Variants in PTPRD observed in about 807,000 individuals in gnomAD.
The protein encoded by PTPRD is protein tyrosine phosphatase receptor type D, also known as receptor-type tyrosine-protein phosphatase delta.
Under a neutral mutation model 214.5 loss-of-function variants are expected in PTPRD, and 34 were observed. That is an observed-to-expected ratio of 0.16 (90% CI 0.12 to 0.21). The LOEUF (loss-of-function observed/expected upper bound fraction) is 0.21. Among genes scored for constraint, PTPRD ranks in the 10% least tolerant of loss-of-function variants. The pLI is 1.00. For synonymous variants in PTPRD, 1,128 were observed against 845.7 expected, an observed-to-expected ratio of 1.33 and a Z score of -5.79; for missense variants, 2,545 against 2,398.7, an observed-to-expected ratio of 1.06 and a Z score of -1.27.
At chr9:8,681,018 A>G (rs1026379385) in intron 12 of PTPRD, among the ~76,000 whole-genome samples, 3 of 152,210 alleles carry the variant, frequency 2.0e-5, no homozygotes, top group East Asian at 1.9e-4. Context: ...AATTTGAAAC[A>G]GTCACTTTTT....
At chr9:8,786,849 T>G (rs1235104717) in intron 11 of PTPRD, among the ~76,000 whole-genome samples, 1 of 152,066 alleles carries the variant, frequency 6.6e-6, no homozygotes, top group African/African-American at 2.4e-5. Flanking sequence ...AAGGAAATGT[T>G]TATTTCAATT....
chr9:9,609,807 A>G (rs1194327713), intron 7 of PTPRD, among the ~76,000 whole-genome samples: 4 of 152,202 alleles, frequency 2.6e-5, no homozygotes, highest in Non-Finnish European at 4.4e-5. Flanking sequence ...TGGGAAAACC[A>G]AATCCTGTTA....
chr9:9,696,740 GTTTC>G (rs1280769526), intron 7 of PTPRD, among the ~76,000 whole-genome samples: 1 of 151,956 alleles, frequency 6.6e-6, no homozygotes, highest in African/African-American at 2.4e-5. Context: ...GTTGTGCCTT[GTTTC>G]TTTATTCGTT....
intron 7 of PTPRD, among the ~76,000 whole-genome samples, chr9:9,600,623 C>G (rs2093676609): frequency 1.3e-5 from 2 of 152,070 alleles, no homozygotes. Flanking sequence ...GAGGCCCTCC[C>G]CTACATGGAG....
chr9:9,714,585 T>A (rs1369863378), intron 7 of PTPRD, among the ~76,000 whole-genome samples: 2 of 152,228 alleles, frequency 1.3e-5, no homozygotes, highest in Admixed American at 6.5e-5. Context: ...TAACCCTGTA[T>A]TTCTTTAGCA....
chr9:9,239,041 TA>T (rs2099968890), intron 9 of PTPRD, among the ~76,000 whole-genome samples: 1 of 152,086 alleles, frequency 6.6e-6, no homozygotes, highest in South Asian at 2.1e-4. Context: ...AATAGGCAAA[TA>T]TGCCTCAAAC....
chr9:9,532,889 C>T (rs2075782727), intron 8 of PTPRD, among the ~76,000 whole-genome samples: 1 of 152,096 alleles, frequency 6.6e-6, no homozygotes, highest in Non-Finnish European at 1.5e-5. Context: ...CTACTGAAAC[C>T]TCTCTTAAAA....
At chr9:9,344,823 C>A (rs1212639057) in intron 9 of PTPRD, among the ~76,000 whole-genome samples, 1 of 151,726 alleles carries the variant, frequency 6.6e-6, no homozygotes, top group Non-Finnish European at 1.5e-5. Context: ...CTACTTGAAA[C>A]ATGGTAGTTA....
intron 10 of PTPRD, among the ~76,000 whole-genome samples, chr9:9,118,768 T>C (rs1395333472): frequency 6.6e-6 from 1 of 152,204 alleles, no homozygotes; most frequent in African/African-American, 2.4e-5. Flanking sequence ...CCCTTTTTAT[T>C]TTTATAATTT....
intron 2 of PTPRD, among the ~76,000 whole-genome samples, chr9:10,590,878 A>T (rs976009008): frequency 6.6e-6 from 1 of 151,064 alleles, no homozygotes; most frequent in African/African-American, 2.4e-5. Context: ...AAAACTGAAT[A>T]CCTTGTATAA....
chr9:8,766,375 C>T (rs1364749767), intron 11 of PTPRD, among the ~76,000 whole-genome samples: 1 of 151,828 alleles, frequency 6.6e-6, no homozygotes, highest in Admixed American at 6.6e-5. Flanking sequence ...GTGAGTGTAC[C>T]CTGAGATGGG....
In PTPRD at chr9:9,203,735, G is replaced by C. The variant is rs376878742; in HGVS notation, c.-202-20372C>G. 9.9e-5 allele frequency among the ~76,000 whole-genome samples: 15 copies of C among 152,238 alleles called. No homozygotes were observed. In the East Asian group the frequency reaches 1.7e-3, roughly 18 times the overall value. On this transcript the variant is annotated intron_variant, in intron 9 of 45. Transcript: ENST00000381196. ...ATTTTCTTCTTTATGTGTTTTTGCA[G>C]TTTCTGATGTAGCAAGCGGGTATTT... is the stretch of plus-strand genomic sequence containing the variant.
At chr9:9,948,649 A>G (rs1184745046) in intron 4 of PTPRD, among the ~76,000 whole-genome samples, 4 of 152,106 alleles carry the variant, frequency 2.6e-5, no homozygotes, top group Non-Finnish European at 5.9e-5. Flanking sequence ...AAGGGTAAGT[A>G]TGCAATACTT....
intron 39 of PTPRD, among the ~76,000 whole-genome samples, chr9:8,353,864 A>ATGTATATATGTATATG (rs2076228214): frequency 1.9e-5 from 2 of 102,936 alleles, no homozygotes; most frequent in African/African-American, 1.0e-4. Context: ...ATGTGTATAT[A>ATGTATATATGTATATG]TGTATATATG....
intron 7 of PTPRD, among the ~76,000 whole-genome samples, chr9:9,602,349 A>T (rs2093835929): frequency 6.6e-6 from 1 of 152,018 alleles, no homozygotes; most frequent in African/African-American, 2.4e-5. Flanking sequence ...ACAACTACAG[A>T]TCCCTCTAAT....
chr9:8,594,642 A>G (rs967104052), intron 14 of PTPRD, among the ~76,000 whole-genome samples: 1 of 151,682 alleles, frequency 6.6e-6, no homozygotes, highest in African/African-American at 2.4e-5. Flanking sequence ...TCATGGTTTT[A>G]TATGTGTTTG....
intron 6 of PTPRD, among the ~76,000 whole-genome samples, chr9:9,744,210 C>T (rs1398063534): frequency 1.3e-5 from 2 of 151,996 alleles, no homozygotes; most frequent in African/African-American, 4.8e-5. Flanking sequence ...GATATATCGT[C>T]AAGGAGATTC....
At chr9:8,458,928 C>T (rs372710305) in intron 33 of PTPRD, among the ~76,000 whole-genome samples, 71 of 152,094 alleles carry the variant, frequency 4.7e-4, no homozygotes, top group Non-Finnish European at 7.9e-4. Context: ...CTTTATAACT[C>T]TAAAATAGGA....
chr9:9,434,452 C>T (rs2084402506), intron 8 of PTPRD, among the ~76,000 whole-genome samples: 2 of 152,150 alleles, frequency 1.3e-5, no homozygotes, highest in South Asian at 2.1e-4. Context: ...AAGTGATCTA[C>T]AGATTTTATG....
Sources: gnomAD v4.1 joint callset for allele counts (sites outside exome capture counted in the v4.1 genomes callset) on GRCh38, gnomAD v4.1.1 for gene constraint, MANE v1.5 for transcripts, NCBI Gene and HGNC (gene_info 2026-07-23, HGNC 2026-07-21) for gene names.